MEGF11: variants seen among roughly 807,000 people sequenced by gnomAD.
MEGF11 encodes multiple epidermal growth factor-like domains protein 11.
A neutral mutation model predicts 146.6 loss-of-function variants in MEGF11; 126 were observed. The observed-to-expected ratio is 0.86, with a 90% confidence interval of 0.74 to 1.00. The LOEUF (loss-of-function observed/expected upper bound fraction) is 1.00. MEGF11 is among the 50% of genes least tolerant of loss of function. The probability of loss-of-function intolerance (pLI) is 0.00; values close to 1 mark genes in which losing one functional copy is unlikely to be tolerated. For missense variants in MEGF11, 1,509 were observed against 1,521.2 expected (o/e 0.99, Z 0.13); for synonymous variants, 532 against 583.4 (o/e 0.91, Z 1.27).
intron 5 of MEGF11, among the ~76,000 whole-genome samples, chr15:66,009,249 T>G (rs901244375): frequency 2.0e-4 from 30 of 150,960 alleles, no homozygotes; most frequent in Middle Eastern, 3.4e-3. Flanking sequence ...AAGTTTTTTT[T>G]TTTTTTTTTT....
intron 4 of MEGF11, among the ~76,000 whole-genome samples, chr15:66,107,154 T>C (rs2087130802): frequency 6.6e-6 from 1 of 151,900 alleles, no homozygotes; most frequent in Non-Finnish European, 1.5e-5. Context: ...CACTGTCAGG[T>C]CAGCACAGCG....
At chr15:65,999,076 G>T (rs1348754733) in intron 5 of MEGF11, among the ~76,000 whole-genome samples, 1 of 148,590 alleles carries the variant, frequency 6.7e-6, no homozygotes, top group Non-Finnish European at 1.5e-5. Flanking sequence ...ACAGGGTCTC[G>T]TTCTGTTGCC....
intron 10 of MEGF11, among the ~76,000 whole-genome samples, chr15:65,944,061 A>T (rs898165675): frequency 4.6e-5 from 7 of 152,150 alleles, no homozygotes; most frequent in African/African-American, 1.7e-4. Flanking sequence ...ATTTTAGGGG[A>T]TGCTTCTAAA....
chr15:66,212,810 A>C (rs1405997411), intron 1 of MEGF11, among the ~76,000 whole-genome samples: 2 of 152,318 alleles, frequency 1.3e-5, no homozygotes, highest in Non-Finnish European at 2.9e-5. Flanking sequence ...CCAGCCATAC[A>C]GGAGCACCAG....
At chr15:66,167,329 A>AT (rs1020294043) in intron 1 of MEGF11, among the ~76,000 whole-genome samples, 4 of 152,246 alleles carry the variant, frequency 2.6e-5, no homozygotes, top group Admixed American at 6.5e-5. Flanking sequence ...CTGCTGCTTC[A>AT]TTTTTATACA....
intron 1 of MEGF11, among the ~76,000 whole-genome samples, chr15:66,152,521 A>T (rs2141042228): frequency 6.6e-6 from 1 of 152,264 alleles, no homozygotes; most frequent in East Asian, 1.9e-4. Context: ...CTGACCCCTG[A>T]TATCTGAAAG....
intron 1 of MEGF11, among the ~76,000 whole-genome samples, chr15:66,229,259 C>A (rs758601435): frequency 6.6e-6 from 1 of 151,984 alleles, no homozygotes; most frequent in African/African-American, 2.4e-5. Flanking sequence ...CACAACCAAG[C>A]TCTCTGTGGT....
intron 8 of MEGF11, among the ~76,000 whole-genome samples, chr15:65,968,054 A>T (rs553749541): frequency 6.6e-6 from 1 of 152,308 alleles, no homozygotes; most frequent in East Asian, 1.9e-4. Flanking sequence ...TCTTTCTGCA[A>T]ATCTTGTCAT....
intron 5 of MEGF11, among the ~76,000 whole-genome samples, chr15:66,088,655 C>CAAAAA (rs5813374): frequency 2.3e-4 from 34 of 146,150 alleles, no homozygotes; most frequent in African/African-American, 7.5e-4. Flanking sequence ...ACTTCATTCT[C>CAAAAA]AAAAAAAAAA....
intron 1 of MEGF11, among the ~76,000 whole-genome samples, chr15:66,169,826 G>T (rs530530020): frequency 1.1e-4 from 17 of 152,194 alleles, no homozygotes; most frequent in Non-Finnish European, 1.9e-4. Flanking sequence ...CAGGAGCACC[G>T]CGGCAGCCGG....
intron 4 of MEGF11, among the ~76,000 whole-genome samples, chr15:66,094,863 G>C (rs2086473446): frequency 6.6e-6 from 1 of 152,116 alleles, no homozygotes; most frequent in Non-Finnish European, 1.5e-5. Flanking sequence ...GAAATGATCT[G>C]TCCCTTGTAT....
chr15:65,943,585 A>T (rs987959776), intron 10 of MEGF11, among the ~76,000 whole-genome samples: 2 of 152,104 alleles, frequency 1.3e-5, no homozygotes, highest in Non-Finnish European at 2.9e-5. Context: ...CAGGTTAGGG[A>T]TAGGATTTGG....
intron 1 of MEGF11, among the ~76,000 whole-genome samples, chr15:66,174,500 C>T (rs190540824): frequency 6.6e-6 from 1 of 152,278 alleles, no homozygotes; most frequent in Non-Finnish European, 1.5e-5. Context: ...CCTGGCCTCT[C>T]CTGTAACATG....
chr15:66,167,261 G>C (rs2090122257), intron 1 of MEGF11, among the ~76,000 whole-genome samples: 2 of 152,198 alleles, frequency 1.3e-5, no homozygotes. Flanking sequence ...AGACAACCCA[G>C]AGGGAGACTC....
intron 1 of MEGF11, among the ~76,000 whole-genome samples, chr15:66,185,265 G>A (rs771780920): frequency 1.3e-5 from 2 of 152,204 alleles, no homozygotes; most frequent in East Asian, 1.9e-4. Flanking sequence ...GCTGCCTCAA[G>A]TTCTGCAGAG....
Position 65,970,650 on chromosome 15 carries a change from C to G in MEGF11, c.802G>C (p.Gly268Arg), listed in dbSNP as rs527625928. The G allele has an allele frequency of 6.2e-7, 1 of 1,613,312 alleles. No individual in the cohort carries two copies. Among genetic ancestry groups the G allele is most frequent in the Middle Eastern group, 1.7e-4 (1 of 6,060 alleles). ...GGACAATCCTGGCTGCAGTTCTGGC[C>G]AAATGTCCCTGGTGGGCAGGGCTGG... ...CAQPCPPGTF[G>R]QNCSQDCPCH... Residue 268 changes from glycine (G) to arginine (R), a missense_variant, in exon 8 of 26, where the codon GGC becomes CGC. Transcript: ENST00000395614.
intron 5 of MEGF11, among the ~76,000 whole-genome samples, chr15:65,983,455 C>A (rs529206533): frequency 6.6e-6 from 1 of 152,112 alleles, no homozygotes; most frequent in East Asian, 1.9e-4. Context: ...TAGCCTCATT[C>A]GCTCAAATTC....
At chr15:66,191,631 G>C (rs546692615) in intron 1 of MEGF11, among the ~76,000 whole-genome samples, 11 of 152,180 alleles carry the variant, frequency 7.2e-5, no homozygotes, top group Non-Finnish European at 1.3e-4. Context: ...GGGGTGACCA[G>C]TTGAGAGTAC....
chr15:65,975,715 T>C lies in MEGF11; in HGVS notation c.763-5026A>G, dbSNP rs184139605. On this transcript the variant is annotated intron_variant, in intron 7 of 25. Transcript: ENST00000395614. Reference sequence around the variant, plus strand: ...TCTATAAAATGGGAGTAGTAACTCCTAGTCTTCCAGGTGGTTATAAAGACG... The same window carrying C: ...TCTATAAAATGGGAGTAGTAACTCCCAGTCTTCCAGGTGGTTATAAAGACG... 1.3e-4 allele frequency among the ~76,000 whole-genome samples: 20 copies of C among 152,334 alleles called. No individual in the cohort carries two copies. The East Asian group carries it at 3.9e-3, about 29-fold the overall frequency.
Sources: allele counts gnomAD v4.1 joint callset (sites outside exome capture counted in the v4.1 genomes callset), GRCh38; gene constraint gnomAD v4.1.1; transcripts MANE v1.5; gene names NCBI Gene and HGNC (gene_info 2026-07-23, HGNC 2026-07-21).